The following C16orf46 variants were observed in gnomAD, a reference collection of about 807,000 sequenced individuals.
C16orf46 encodes chromosome 16 open reading frame 46.
C16orf46 carries 7 observed loss-of-function variants against 5.5 expected under a neutral mutation model. The ratio of observed to expected loss-of-function variants is 1.28; its 90% CI spans 0.73 to 2.40. The LOEUF (loss-of-function observed/expected upper bound fraction) is 2.40, where lower values mean the gene tolerates loss of function less well. C16orf46 is among the 30% of genes most tolerant of loss of function. The pLI, the probability that C16orf46 is intolerant of heterozygous loss-of-function variation, is 0.00. For missense variants in C16orf46, 614 were observed against 476.0 expected (o/e 1.29, Z -2.70); for synonymous variants, 200 against 184.1 (o/e 1.09, Z -0.70).
At chr16:81,075,582 T>C (rs548811146) in intron 1 of C16orf46, among the ~76,000 whole-genome samples, 1 of 152,324 alleles carries the variant, frequency 6.6e-6, no homozygotes, top group African/African-American at 2.4e-5. Flanking sequence ...AGGGTGAGAC[T>C]GTCTCAAAAC....
downstream of C16orf46, among the ~76,000 whole-genome samples, chr16:81,057,263 T>C (rs867971463): frequency 6.6e-6 from 1 of 152,070 alleles, no homozygotes; most frequent in Non-Finnish European, 1.5e-5. Context: ...TTAGAACGTA[T>C]TGGGGCAGGG....
At position 81,054,805 on chromosome 16, in the gene C16orf46, C is replaced by T. The variant is rs149373901; in HGVS notation, c.1144-711G>A. Among the ~76,000 whole-genome samples, 772 of 151,620 alleles carry T rather than the reference C, an allele frequency of 5.1e-3. 2 individuals are homozygous for T. Among genetic ancestry groups the T allele is most frequent in the Non-Finnish European group, 8.0e-3 (546 of 67,898 alleles). The stretch of plus-strand genomic sequence containing the variant: ...CTGGGATTACAGGCACGCACCACCA[C>T]GCCCCCTAATTTTTCTATTTTTAGT... On this transcript the variant is annotated intron_variant, in intron 3 of 3. Coordinates refer to the C16orf46 transcript ENST00000378611.
chr16:81,068,541 G>T (rs1597148351), intron 1 of C16orf46, among the ~76,000 whole-genome samples: 1 of 149,506 alleles, frequency 6.7e-6, no homozygotes, highest in East Asian at 2.0e-4. Context: ...ATATGGTACA[G>T]AAAGGGCCTT....
chr16:81,069,076 C>T (rs1971754772), intron 1 of C16orf46, among the ~76,000 whole-genome samples: 2 of 152,020 alleles, frequency 1.3e-5, no homozygotes, highest in Non-Finnish European at 2.9e-5. Context: ...TAGAAATGGA[C>T]TTATAAAAAA....
At chr16:81,070,514 T>C (rs938180443) in intron 1 of C16orf46, among the ~76,000 whole-genome samples, 3 of 152,232 alleles carry the variant, frequency 2.0e-5, no homozygotes, top group African/African-American at 7.2e-5. Context: ...AATAGTTTTT[T>C]TTAAACAAAG....
intron 2 of C16orf46, among the ~76,000 whole-genome samples, 183 bp downstream of exon 2, chr16:81,066,010 C>G (rs777483239): frequency 2.0e-5 from 3 of 151,828 alleles, no homozygotes; most frequent in Non-Finnish European, 4.4e-5. Context: ...CTCAGCCTCC[C>G]GAGTAGCTGG....
At chr16:81,064,129 C>T in intron 2 of C16orf46, 136 bp from the exon 3 acceptor site, 2 of 535,742 alleles carry the variant, frequency 3.7e-6, no homozygotes, top group Non-Finnish European at 6.5e-6. Flanking sequence ...CCTGTAATTC[C>T]AGGAATTACT....
exon 4 of C16orf46, chr16:81,053,924 GTCT>G: frequency 3.8e-6 from 3 of 798,558 alleles, no homozygotes; most frequent in Non-Finnish European, 2.0e-6. Context: ...CAAACGTGGC[GTCT>G]TCTTACTGCT....
At chr16:81,063,173 G>A (rs182923129) in intron 3 of C16orf46, among the ~76,000 whole-genome samples, 3 of 150,946 alleles carry the variant, frequency 2.0e-5, no homozygotes, top group Non-Finnish European at 2.9e-5. Context: ...AACTCAGGAG[G>A]CAGAGGTTGC....
chr16:81,063,911 T>C lies in C16orf46; in HGVS notation c.45A>G (p.Glu15=). 12 of 1,613,858 alleles carry C rather than the reference T, an allele frequency of 7.4e-6. No homozygotes were observed. Among genetic ancestry groups the C allele is most frequent in the Non-Finnish European group, 1.0e-5 (12 of 1,179,872 alleles). ...CTTCTGTGAACTGAATTTCATTATT[T>C]TCAGCATTTTCTAAGTCAGTCTCAT... ...QKNETDLENA[E]NNEIQFTEET... The change falls in exon 3 of 4, where the codon GAA becomes GAG. Residue 15 remains glutamate (E), a synonymous_variant. Coordinates refer to ENST00000299578, the MANE Select transcript of C16orf46 (RefSeq NM_152337.3).
intron 1 of C16orf46, among the ~76,000 whole-genome samples, chr16:81,072,489 A>G (rs1202180709): frequency 1.3e-5 from 2 of 151,964 alleles, no homozygotes; most frequent in African/African-American, 4.8e-5. Flanking sequence ...GGTTCAAGTG[A>G]TTCTCCTGCC....
chr16:81,061,099 G>A lies in C16orf46; in HGVS notation c.*62C>T, dbSNP rs116474133. On this transcript the variant is annotated 3_prime_UTR_variant, in exon 4 of 4. Coordinates refer to ENST00000299578, the MANE Select transcript of C16orf46 (RefSeq NM_152337.3). ...GGGGTGGGTGGGAAATGAGAGAGAA[G>A]AAAGAGAAAGGATGGCTGCATCTCA... 2.0e-6 allele frequency: 3 copies of A among 1,515,654 alleles called. No homozygotes were observed. The African/African-American group carries it at 4.2e-5, about 21-fold the overall frequency. 93.9% of individuals were successfully genotyped at this position (1,515,654 alleles called of 1,614,324 possible).
At position 81,061,870 on chromosome 16, in the gene C16orf46, T is replaced by A. The variant is rs1971491757; in HGVS notation, c.479A>T (p.Lys160Ile). The change falls in exon 4 of 4, where the codon AAA becomes ATA. Residue 160 changes from lysine to isoleucine, a missense_variant. Transcript: ENST00000299578. ...AAACTCCTTGATTTGCAGACTTTTT[T>A]TCTCTGCTCGAAAGTAGGTGGGAAA... is the stretch of plus-strand genomic sequence containing the variant. ...ICFPTYFRAE[K>I]KSLQIKEFIW... 6.2e-7 allele frequency: 1 copy of A among 1,614,114 alleles called. No homozygotes were observed. The highest frequency in any genetic ancestry group is 8.5e-7 in the Non-Finnish European group (1 of 1,180,046).
In C16orf46 at chr16:81,061,029, G is replaced by C; in HGVS notation, c.*132C>G. On this transcript the variant is annotated 3_prime_UTR_variant, in exon 4 of 4. Coordinates refer to ENST00000299578, the MANE Select transcript of C16orf46 (RefSeq NM_152337.3). ...ACTACAAAAAAAAAATGGAGGAAAA[G>C]AAGAGTAAAGACAGACTGACGGGGA... is the stretch of plus-strand genomic sequence containing the variant. 1.5e-6 allele frequency: 2 copies of C among 1,377,376 alleles called. No homozygotes were observed. The highest frequency in any genetic ancestry group is 1.9e-6 in the Non-Finnish European group (2 of 1,059,018). 85.3% of individuals were successfully genotyped at this position (1,377,376 alleles called of 1,614,324 possible). A position where few individuals can be genotyped will look rare whatever the true frequency, so the allele number is the denominator to read the frequency against.
chr16:81,063,743 C>A lies in C16orf46; in HGVS notation c.210+3G>T. ...AAAAGCTGTGACTCAGAAAGATACT[C>A]ACTGCCTCTTCCCATCCAGTTCCAA... On this transcript the variant is annotated splice_donor_region_variant and intron_variant, in intron 3 of 3. Coordinates refer to ENST00000299578, the MANE Select transcript of C16orf46 (RefSeq NM_152337.3). 1 of 1,608,878 alleles carries A rather than the reference C, an allele frequency of 6.2e-7. No individual in the cohort carries two copies. The highest frequency in any genetic ancestry group is 1.1e-5 in the South Asian group (1 of 90,830).
At chr16:81,064,061 C>G (rs952902056) in intron 2 of C16orf46, 68 bp from the exon 3 acceptor site, 10 of 832,730 alleles carry the variant, frequency 1.2e-5, no homozygotes, top group Non-Finnish European at 7.3e-6. Context: ...CAATGCAATA[C>G]TCAGGTGAAA....
Position 81,077,229 on chromosome 16 carries a change from G to C in C16orf46, c.-221C>G, listed in dbSNP as rs1201814856. The C allele has an allele frequency of 6.6e-6, 1 of 152,338 alleles. No homozygotes were observed. Among genetic ancestry groups the C allele is most frequent in the African/African-American group, 2.4e-5 (1 of 41,478 alleles). The allele number at this position is 152,338 out of a possible 1,614,324, so 9.4% of individuals were successfully genotyped here. On this transcript the variant is annotated 5_prime_UTR_variant, in exon 1 of 4. Coordinates refer to ENST00000299578, the MANE Select transcript of C16orf46 (RefSeq NM_152337.3). ...TCGCTGCCGGATGGGCCGTTGCCTT[G>C]GGTTACGACCACGCTGGGGGCGGGA...
chr16:81,068,654 C>A (rs930000858), intron 1 of C16orf46, among the ~76,000 whole-genome samples: 3 of 144,918 alleles, frequency 2.1e-5, no homozygotes, highest in African/African-American at 7.6e-5. Context: ...CTCATTTTGG[C>A]TTCCCAAAGT....
intron 3 of C16orf46, 29 bp downstream of exon 3, chr16:81,063,717 G>GAAAAGC: frequency 6.3e-7 from 1 of 1,576,166 alleles, no homozygotes; most frequent in Non-Finnish European, 8.7e-7. Flanking sequence ...GCGAGAGACA[G>GAAAAGC]AAAAGCTGTG....
Sources: allele counts gnomAD v4.1 joint callset (sites outside exome capture counted in the v4.1 genomes callset), GRCh38; gene constraint gnomAD v4.1.1; transcripts MANE v1.5; gene names NCBI Gene and HGNC (gene_info 2026-07-23, HGNC 2026-07-21).